Variants in SLC25A21 observed in about 807,000 individuals in gnomAD.
SLC25A21 encodes mitochondrial 2-oxodicarboxylate carrier.
A neutral mutation model predicts 43.8 loss-of-function variants in SLC25A21; 47 were observed. The observed-to-expected ratio is 1.07, with a 90% confidence interval of 0.85 to 1.37. SLC25A21 has a LOEUF of 1.37. Among genes scored for constraint, SLC25A21 ranks in the 40% most tolerant of loss-of-function variants. The pLI is 0.00. For missense variants in SLC25A21, 352 were observed against 350.2 expected, an observed-to-expected ratio of 1.00 and a Z score of -0.04; for synonymous variants, 131 against 121.3, an observed-to-expected ratio of 1.08 and a Z score of -0.52.
intron 1 of SLC25A21, among the ~76,000 whole-genome samples, chr14:37,021,905 G>T (rs1960994696): frequency 6.6e-6 from 1 of 151,912 alleles, no homozygotes; most frequent in Non-Finnish European, 1.5e-5. Flanking sequence ...CCAACAAAGT[G>T]TATCAGAAAC....
At chr14:36,932,029 T>C (rs915315443) in intron 1 of SLC25A21, among the ~76,000 whole-genome samples, 6 of 152,140 alleles carry the variant, frequency 3.9e-5, no homozygotes, top group Non-Finnish European at 1.5e-5. Flanking sequence ...GATTATACCA[T>C]GGATTCTCTG....
At chr14:36,764,143 G>GAAA (rs1566588008) in intron 3 of SLC25A21, among the ~76,000 whole-genome samples, 470 of 33,736 alleles carry the variant, frequency 0.014, 10 homozygotes, top group Middle Eastern at 0.031. Flanking sequence ...AAGGAAAGAA[G>GAAA]GAAAGAAAGA....
chr14:36,902,846 A>G (rs1891432022), intron 1 of SLC25A21, among the ~76,000 whole-genome samples: 1 of 152,146 alleles, frequency 6.6e-6, no homozygotes, highest in Non-Finnish European at 1.5e-5. Flanking sequence ...TCAGCTGGGC[A>G]TAGAGGCTTA....
intron 1 of SLC25A21, among the ~76,000 whole-genome samples, chr14:36,899,256 TAAAATG>T (rs1381597367): frequency 6.7e-6 from 1 of 149,348 alleles, no homozygotes; most frequent in East Asian, 2.0e-4. Flanking sequence ...TGAGGTAAAA[TAAAATG>T]AAAATGAAAA....
chr14:36,686,208 G>T (rs1302336257), intron 7 of SLC25A21, among the ~76,000 whole-genome samples: 1 of 152,184 alleles, frequency 6.6e-6, no homozygotes, highest in South Asian at 2.1e-4. Context: ...AAAAGCAAGG[G>T]TTTGGTAATA....
intron 2 of SLC25A21, among the ~76,000 whole-genome samples, chr14:36,829,819 A>T (rs1293379496): frequency 2.0e-5 from 3 of 152,212 alleles, no homozygotes; most frequent in African/African-American, 7.2e-5. Flanking sequence ...GGACATTTGC[A>T]GACACTTCAA....
chr14:37,008,324 A>C (rs572945700), intron 1 of SLC25A21, among the ~76,000 whole-genome samples: 1 of 152,334 alleles, frequency 6.6e-6, no homozygotes, highest in South Asian at 2.1e-4. Context: ...ACAGAACAAA[A>C]TTGTGGACAT....
intron 1 of SLC25A21, among the ~76,000 whole-genome samples, chr14:36,966,412 G>C (rs1001563585): frequency 2.0e-5 from 3 of 151,992 alleles, no homozygotes; most frequent in African/African-American, 7.3e-5. Context: ...GAATTGTTTA[G>C]AGTCTTTTTT....
chr14:37,156,223 GGAAGA>G (rs1963847535), intron 1 of SLC25A21, among the ~76,000 whole-genome samples: 1 of 150,010 alleles, frequency 6.7e-6, no homozygotes, highest in South Asian at 2.1e-4. Flanking sequence ...ACACAAAGGA[GGAAGA>G]GAAAAGAATT....
At chr14:36,681,205 T>A (rs8012165) in intron 9 of SLC25A21, among the ~76,000 whole-genome samples, 27,515 of 152,158 alleles carry the variant, frequency 0.18, 3,853 homozygotes, top group African/African-American at 0.36. Flanking sequence ...ACTGCATTGC[T>A]ACGTGGAAAT....
At chr14:36,775,413 A>G (rs1886786444) in intron 3 of SLC25A21, among the ~76,000 whole-genome samples, 2 of 152,194 alleles carry the variant, frequency 1.3e-5, no homozygotes, top group Admixed American at 6.5e-5. Context: ...GCTAATTTAT[A>G]TAATATTACA....
chr14:36,921,940 T>C (rs139634673), intron 1 of SLC25A21, among the ~76,000 whole-genome samples: 6 of 151,562 alleles, frequency 4.0e-5, no homozygotes, highest in African/African-American at 1.5e-4. Context: ...AGGTCAGGAG[T>C]TCGAGACCAG....
chr14:36,744,790 C>G (rs1885423225), intron 3 of SLC25A21, among the ~76,000 whole-genome samples: 1 of 151,902 alleles, frequency 6.6e-6, no homozygotes, highest in Non-Finnish European at 1.5e-5. Flanking sequence ...CTACGAGGAG[C>G]TCAAACAGCT....
chr14:36,928,926 T>A (rs1247901182), intron 1 of SLC25A21, among the ~76,000 whole-genome samples: 1 of 152,178 alleles, frequency 6.6e-6, no homozygotes, highest in African/African-American at 2.4e-5. Flanking sequence ...TCATTGTGCA[T>A]AATCCAGGCT....
chr14:36,847,230 G>A (rs534751172), intron 2 of SLC25A21, among the ~76,000 whole-genome samples: 1 of 152,304 alleles, frequency 6.6e-6, no homozygotes, highest in South Asian at 2.1e-4. Flanking sequence ...GACAGTGAAT[G>A]AATGCATGGT....
At chr14:37,157,885 T>C (rs565906390) in intron 1 of SLC25A21, among the ~76,000 whole-genome samples, 1 of 151,726 alleles carries the variant, frequency 6.6e-6, no homozygotes, top group Non-Finnish European at 1.5e-5. Context: ...ATATACAAAA[T>C]CAAAAATCAA....
chr14:36,746,571 A>T (rs1885508289), intron 3 of SLC25A21, among the ~76,000 whole-genome samples: 1 of 152,188 alleles, frequency 6.6e-6, no homozygotes, highest in African/African-American at 2.4e-5. Flanking sequence ...CATGTAACCC[A>T]GTTGTGCTAG....
At chr14:36,906,453 T>TGC (rs1891536473) in intron 1 of SLC25A21, among the ~76,000 whole-genome samples, 2 of 151,772 alleles carry the variant, frequency 1.3e-5, no homozygotes, top group Admixed American at 1.3e-4. Context: ...ATGACTCTAA[T>TGC]GCATGGATGA....
At chr14:36,903,784 G>GA (rs1374688619) in intron 1 of SLC25A21, among the ~76,000 whole-genome samples, 1 of 152,056 alleles carries the variant, frequency 6.6e-6, no homozygotes, top group African/African-American at 2.4e-5. Context: ...CTGAGTTTAG[G>GA]AACATGTGCT....
Sources: allele counts gnomAD v4.1 joint callset (sites outside exome capture counted in the v4.1 genomes callset), GRCh38; gene constraint gnomAD v4.1.1; transcripts MANE v1.5; gene names NCBI Gene and HGNC (gene_info 2026-07-23, HGNC 2026-07-21).